Variants in CEP85L observed in about 807,000 individuals in gnomAD.
The protein encoded by CEP85L is centrosomal protein of 85 kDa-like.
In CEP85L, 60 loss-of-function variants were observed where a neutral mutation model predicts 100.3. The observed-to-expected ratio is 0.60, with a 90% CI of 0.49 to 0.74. The LOEUF (loss-of-function observed/expected upper bound fraction) is 0.74, where lower values mean the gene tolerates loss of function less well. CEP85L is among the 30% of genes least tolerant of loss of function. CEP85L has a pLI of 0.00. For missense variants in CEP85L, 973 were observed against 936.2 expected (o/e 1.04, Z -0.51); for synonymous variants, 319 against 322.7 (o/e 0.99, Z 0.12).
intron 3 of CEP85L, among the ~76,000 whole-genome samples, chr6:118,541,160 G>A (rs1216434261): frequency 6.6e-6 from 1 of 152,122 alleles, no homozygotes; most frequent in Non-Finnish European, 1.5e-5. Flanking sequence ...CATTAACGGG[G>A]CAGCCTTACA....
chr6:118,504,357 AGAGG>A (rs1295459187), intron 5 of CEP85L, among the ~76,000 whole-genome samples: 1 of 152,012 alleles, frequency 6.6e-6, no homozygotes, highest in Non-Finnish European at 1.5e-5. Context: ...CCTCGGCAAC[AGAGG>A]GAGACTCTGT....
chr6:118,679,919 A>T (rs1403701881), intron 1 of CEP85L, among the ~76,000 whole-genome samples: 1 of 152,054 alleles, frequency 6.6e-6, no homozygotes, highest in Non-Finnish European at 1.5e-5. Flanking sequence ...AAAAAAGTAG[A>T]ATTATTTTTG....
intron 10 of CEP85L, among the ~76,000 whole-genome samples, chr6:118,478,304 T>C (rs548903825): frequency 9.5e-4 from 144 of 152,210 alleles, no homozygotes; most frequent in Non-Finnish European, 1.5e-3. Context: ...TCTTTTTAAA[T>C]GATGAGGGGC....
rs550599690 is a variant in CEP85L at position 118,622,802 on chromosome 6, G to A, written c.232+9651C>T. Among the ~76,000 whole-genome samples the A allele has an allele frequency of 1.9e-3, 282 of 152,288 alleles. 1 individual carries two copies. The highest frequency in any genetic ancestry group is 2.6e-3 in the Non-Finnish European group (175 of 68,022). On this transcript the variant is annotated intron_variant, in intron 2 of 12. Transcript: ENST00000368491. Reference sequence around the variant, plus strand: ...AAGAAGGCGGCAGTCTTACACTGCCGGGGTCATCAAAAAGATGAAGGAGAA... The same window carrying A: ...AAGAAGGCGGCAGTCTTACACTGCCAGGGTCATCAAAAAGATGAAGGAGAA...
chr6:118,653,749 A>ATGTG (rs61103713), upstream of CEP85L, among the ~76,000 whole-genome samples: 13,445 of 148,132 alleles, frequency 0.091, 698 homozygotes, highest in African/African-American at 0.14. Flanking sequence ...GACTCTGTGT[A>ATGTG]TGTGTGTGTG....
At chr6:118,516,549 C>T (rs1049878332) in intron 4 of CEP85L, among the ~76,000 whole-genome samples, 1 of 152,164 alleles carries the variant, frequency 6.6e-6, no homozygotes, top group African/African-American at 2.4e-5. Context: ...TAAATGTCTT[C>T]ATTTGAGAAG....
intron 2 of CEP85L, among the ~76,000 whole-genome samples, chr6:118,574,649 C>CT (rs1018505549): frequency 7.9e-5 from 12 of 152,172 alleles, no homozygotes; most frequent in African/African-American, 2.9e-4. Context: ...AACCTGGACT[C>CT]TCGGCAACAC....
chr6:118,611,049 A>C (rs1772572396), intron 2 of CEP85L, among the ~76,000 whole-genome samples: 1 of 152,188 alleles, frequency 6.6e-6, no homozygotes, highest in South Asian at 2.1e-4. Context: ...ACAGAAAGGA[A>C]GCAATAAAAA....
At chr6:118,513,529 C>A (rs1474947206) in intron 4 of CEP85L, among the ~76,000 whole-genome samples, 5 of 151,888 alleles carry the variant, frequency 3.3e-5, no homozygotes, top group Non-Finnish European at 5.9e-5. Context: ...ATAATGCAAT[C>A]AATAAGACAA....
chr6:118,692,442 T>TAG (rs1417940271), intron 1 of CEP85L, among the ~76,000 whole-genome samples: 9 of 152,094 alleles, frequency 5.9e-5, no homozygotes, highest in African/African-American at 2.2e-4. Flanking sequence ...GGTGATACAG[T>TAG]CAAAATAATC....
intron 5 of CEP85L, among the ~76,000 whole-genome samples, chr6:118,493,720 T>C (rs1774721214): frequency 6.6e-6 from 1 of 152,146 alleles, no homozygotes; most frequent in Non-Finnish European, 1.5e-5. Context: ...GATTATCTTC[T>C]GGGCAGAAGT....
At chr6:118,608,495 A>C (rs931715480) in intron 2 of CEP85L, among the ~76,000 whole-genome samples, 2 of 144,254 alleles carry the variant, frequency 1.4e-5, no homozygotes, top group Non-Finnish European at 3.0e-5. Flanking sequence ...ATTCCATCTC[A>C]AAAAAAAAAA....
At chr6:118,599,008 A>C (rs1010790974) in intron 2 of CEP85L, among the ~76,000 whole-genome samples, 8 of 152,234 alleles carry the variant, frequency 5.3e-5, no homozygotes, top group African/African-American at 9.6e-5. Flanking sequence ...CTCAATACTA[A>C]TACTGACGAA....
At chr6:118,678,674 TA>T (rs1776554494) in intron 1 of CEP85L, among the ~76,000 whole-genome samples, 1 of 152,222 alleles carries the variant, frequency 6.6e-6, no homozygotes, top group African/African-American at 2.4e-5. Context: ...ATTTATAAAA[TA>T]AAACATTAAG....
At chr6:118,541,502 T>A (rs1264909534) in intron 3 of CEP85L, among the ~76,000 whole-genome samples, 3 of 152,192 alleles carry the variant, frequency 2.0e-5, no homozygotes, top group Admixed American at 2.0e-4. Flanking sequence ...CATATCAAAA[T>A]CTATTTTCAT....
intron 3 of CEP85L, among the ~76,000 whole-genome samples, chr6:118,533,052 A>G (rs1454632174): frequency 5.3e-5 from 8 of 152,118 alleles, no homozygotes; most frequent in Non-Finnish European, 1.2e-4. Flanking sequence ...AGAAAAAGGG[A>G]AAAAGCTCTC....
intron 1 of CEP85L, among the ~76,000 whole-genome samples, chr6:118,680,875 C>CA (rs35690474): frequency 0.41 from 60,051 of 147,000 alleles, 12,315 homozygotes; most frequent in South Asian, 0.48. Context: ...GACCTTGTGT[C>CA]AAAAAAAAAA....
chr6:118,508,851 A>G (rs1775808476), intron 5 of CEP85L, among the ~76,000 whole-genome samples: 1 of 152,082 alleles, frequency 6.6e-6, no homozygotes, highest in Non-Finnish European at 1.5e-5. Flanking sequence ...ATGCATAAAA[A>G]ATTACATCAT....
intron 2 of CEP85L, among the ~76,000 whole-genome samples, chr6:118,569,439 AC>A (rs1435085132): frequency 1.3e-5 from 2 of 150,544 alleles, no homozygotes; most frequent in Non-Finnish European, 3.0e-5. Flanking sequence ...GTGCATATGT[AC>A]CCTAGAACTT....
Sources: allele counts gnomAD v4.1 joint callset (sites outside exome capture counted in the v4.1 genomes callset), GRCh38; gene constraint gnomAD v4.1.1; transcripts MANE v1.5; gene names NCBI Gene and HGNC (gene_info 2026-07-23, HGNC 2026-07-21).